The following PCM1 variants were observed in gnomAD, a reference collection of about 807,000 sequenced individuals.
PCM1 encodes the protein pericentriolar material 1 protein.
PCM1 carries 157 observed loss-of-function variants against 241.9 expected under a neutral mutation model. The ratio of observed to expected loss-of-function variants is 0.65; its 90% CI spans 0.57 to 0.74. The LOEUF (loss-of-function observed/expected upper bound fraction) is 0.74. Ranked by LOEUF, PCM1 falls within the 30% of genes least tolerant of loss-of-function variation. The probability of loss-of-function intolerance (pLI) is 0.00; values close to 1 mark genes in which losing one functional copy is unlikely to be tolerated. For synonymous variants in PCM1, 1,085 were observed against 784.9 expected (o/e 1.38, Z -6.39); for missense variants, 3,478 against 2,360.1 (o/e 1.47, Z -9.81).
intron 1 of PCM1, among the ~76,000 whole-genome samples, chr8:17,923,778 AATGGAGTAATT>A (rs2055625838): frequency 6.6e-6 from 1 of 151,696 alleles, no homozygotes; most frequent in Admixed American, 6.6e-5. Flanking sequence ...TGGGAAGGTT[AATGGAGTAATT>A]ATTGCCCCTT....
rs139706442 is a variant in PCM1 at position 18,029,366 on chromosome 8, A to C, written c.*1704A>C. The C allele has an allele frequency of 4.7e-6, 1 of 213,674 alleles. No individual in the cohort carries two copies. The highest frequency in any genetic ancestry group is 7.0e-5 in the East Asian group (1 of 14,314). 13.2% of individuals were successfully genotyped at this position (213,674 alleles called of 1,614,324 possible). On this transcript the variant is annotated 3_prime_UTR_variant, in exon 39 of 39. Transcript: ENST00000325083. ...GAGTTCTTATCCAGGTGCTCTAACT[A>C]ACTTCAGGGAAATTGGAACAATAAG...
At chr8:18,019,737 G>C (rs141999231) in intron 36 of PCM1, among the ~76,000 whole-genome samples, 176 of 152,278 alleles carry the variant, frequency 1.2e-3, no homozygotes, top group Non-Finnish European at 1.9e-3. Context: ...TTTAAATAAA[G>C]GTGAAGCTTG....
At chr8:17,987,645 A>G (rs935447079) in intron 26 of PCM1, among the ~76,000 whole-genome samples, 3 of 151,834 alleles carry the variant, frequency 2.0e-5, no homozygotes, top group African/African-American at 7.2e-5. Flanking sequence ...TTCTTCCAAA[A>G]CTTAAATTCA....
chr8:17,999,569 G>A (rs80048372), intron 29 of PCM1, among the ~76,000 whole-genome samples: 2 of 151,756 alleles, frequency 1.3e-5, no homozygotes, highest in Admixed American at 6.6e-5. Context: ...CCTTGCTCTC[G>A]TCTCCTCAAG....
chr8:17,924,134 G>T (rs1264899723), intron 1 of PCM1, among the ~76,000 whole-genome samples: 2 of 151,914 alleles, frequency 1.3e-5, no homozygotes, highest in Non-Finnish European at 2.9e-5. Context: ...TCCAGACTCC[G>T]CCTGCTGGTG....
At chr8:17,939,650 G>C (rs1485991384) in intron 5 of PCM1, 41 bp from the exon 6 acceptor site, 2 of 1,231,330 alleles carry the variant, frequency 1.6e-6, no homozygotes, top group Non-Finnish European at 2.2e-6. Context: ...TATATATTGT[G>C]TACTTTCATG....
At chr8:17,957,868 C>T (rs748108054) in intron 13 of PCM1, 93 bp downstream of exon 13, 31 of 812,836 alleles carry the variant, frequency 3.8e-5, no homozygotes, top group Non-Finnish European at 5.7e-5. Flanking sequence ...TTTAATTATA[C>T]TAATACACAT....
intron 35 of PCM1, 44 bp from the exon 36 acceptor site, chr8:18,014,540 A>G (rs371674199): frequency 6.0e-6 from 9 of 1,498,032 alleles, no homozygotes; most frequent in African/African-American, 4.2e-5. Context: ...AAAATTTAAC[A>G]TTTTTTGCAT....
At position 17,991,642 on chromosome 8, in the gene PCM1, C is replaced by T; in HGVS notation, c.4632C>T (p.Cys1544=). Residue 1544 remains cysteine, a synonymous_variant, in exon 28 of 39, where the codon TGC becomes TGT. Coordinates refer to ENST00000325083, the MANE Select transcript of PCM1 (RefSeq NM_006197.4). The part of the protein sequence containing the change: ...AESNSNMRCT[C]RIIEDGDGAG... ...GTAACTCAAATATGAGATGCACCTG[C>T]AGGATTATTGAGGATGGAGATGGTG... 5 of 1,569,714 alleles carry T rather than the reference C, an allele frequency of 3.2e-6. No individual in the cohort carries two copies. The highest frequency in any genetic ancestry group is 4.3e-6 in the Non-Finnish European group (5 of 1,156,438).
intron 2 of PCM1, among the ~76,000 whole-genome samples, chr8:17,930,930 C>T (rs2058818338): frequency 1.3e-5 from 2 of 152,046 alleles, no homozygotes; most frequent in Admixed American, 6.5e-5. Flanking sequence ...TAGCTTCATA[C>T]TAATAGTTTT....
intron 6 of PCM1, chr8:17,940,156 A>C (rs756055698): frequency 1.3e-6 from 2 of 1,498,434 alleles, no homozygotes; most frequent in South Asian, 2.4e-5. Context: ...TTCAGATACC[A>C]CGGTAAGCGG....
chr8:17,940,179 T>G, intron 6 of PCM1: 1 of 1,246,780 alleles, frequency 8.0e-7, no homozygotes, highest in African/African-American at 1.5e-5. Context: ...TTTTGGTAAT[T>G]AAAGTGCTGG....
rs147096158 is a variant in PCM1, at chr8:17,936,460, T to A, written c.97-674T>A. ...GTTAATGAATTAGGTTATGTGAGTT[T>A]AACTAAGTAAATAAAAATGTTTTCT... is the stretch of plus-strand genomic sequence containing the variant. On this transcript the variant is annotated intron_variant, in intron 3 of 38. Transcript: ENST00000325083. 1.3e-3 allele frequency among the ~76,000 whole-genome samples: 199 copies of A among 152,294 alleles called. 1 individual carries two copies. Among genetic ancestry groups the A allele is most frequent in the African/African-American group, 4.6e-3 (190 of 41,562 alleles).
chr8:17,977,173 G>A (rs2079060740), intron 23 of PCM1, among the ~76,000 whole-genome samples: 1 of 152,084 alleles, frequency 6.6e-6, no homozygotes, highest in Non-Finnish European at 1.5e-5. Context: ...ATGAGCAATA[G>A]TACTACCAGT....
chr8:17,973,683 C>T (rs924402609), intron 23 of PCM1, among the ~76,000 whole-genome samples: 1 of 151,092 alleles, frequency 6.6e-6, no homozygotes, highest in Admixed American at 6.6e-5. Flanking sequence ...TGCCACTGTA[C>T]TCCCAGCCTG....
intron 29 of PCM1, among the ~76,000 whole-genome samples, chr8:17,999,899 C>T (rs2088625856): frequency 6.6e-6 from 1 of 152,026 alleles, no homozygotes; most frequent in Non-Finnish European, 1.5e-5. Flanking sequence ...CTACTTAATG[C>T]CAGGTTTGGC....
chr8:17,947,662 C>T (rs1322882119), intron 7 of PCM1, among the ~76,000 whole-genome samples: 1 of 152,170 alleles, frequency 6.6e-6, no homozygotes, highest in Non-Finnish European at 1.5e-5. Flanking sequence ...ACTGATAAGG[C>T]TCATGATGCG....
At chr8:18,027,542 T>G in intron 38 of PCM1, 95 bp from the exon 39 acceptor site, 1 of 782,646 alleles carries the variant, frequency 1.3e-6, no homozygotes, top group Non-Finnish European at 2.0e-6. Context: ...TATAATAACG[T>G]TATATTAAAA....
At position 17,979,596 on chromosome 8, in the gene PCM1, A is replaced by G. The variant is rs1045406812; in HGVS notation, c.3944-995A>G. Among the ~76,000 whole-genome samples, 17 of 152,240 alleles carry G rather than the reference A, an allele frequency of 1.1e-4. 1 individual carries two copies. Among genetic ancestry groups the G allele is most frequent in the Non-Finnish European group, 8.8e-5 (6 of 68,034 alleles). On this transcript the variant is annotated intron_variant, in intron 23 of 38. Transcript: ENST00000325083. ...AAGGAACAAATTTAACAAGGAAAGT[A>G]CTAGGTCTATAAAAAGCTATAAAGT...
Sources: allele counts gnomAD v4.1 joint callset (sites outside exome capture counted in the v4.1 genomes callset), GRCh38; gene constraint gnomAD v4.1.1; transcripts MANE v1.5; gene names NCBI Gene and HGNC (gene_info 2026-07-23, HGNC 2026-07-21).